Variants in SYT1 observed in about 807,000 individuals in gnomAD.
SYT1 encodes the protein synaptotagmin 1.
In SYT1, 8 loss-of-function variants were observed where a neutral mutation model predicts 44.8. The ratio of observed to expected loss-of-function variants is 0.18; its 90% CI spans 0.10 to 0.32. The LOEUF (loss-of-function observed/expected upper bound fraction) is 0.32. Among genes scored for constraint, SYT1 ranks in the 10% least tolerant of loss-of-function variants. The pLI is 1.00. For missense variants in SYT1, 286 were observed against 509.3 expected (o/e 0.56, Z 4.22); for synonymous variants, 154 against 188.8 (o/e 0.82, Z 1.51).
intron 1 of SYT1, among the ~76,000 whole-genome samples, chr12:78,930,504 T>C (rs1877573403): frequency 6.6e-6 from 1 of 150,382 alleles, no homozygotes; most frequent in African/African-American, 2.4e-5. Flanking sequence ...ATAGATGGAG[T>C]TAATGACTCA....
chr12:79,233,246 T>C (rs1196447573), intron 4 of SYT1, among the ~76,000 whole-genome samples: 1 of 152,210 alleles, frequency 6.6e-6, no homozygotes, highest in Non-Finnish European at 1.5e-5. Context: ...ATCTTTTTGT[T>C]TTAAAAATAA....
At position 79,450,128 on chromosome 12, in the gene SYT1, G is replaced by A. The variant is rs1870969879; in HGVS notation, c.*1004G>A. On this transcript the variant is annotated 3_prime_UTR_variant, in exon 11 of 11. Coordinates refer to ENST00000261205, the MANE Select transcript of SYT1 (RefSeq NM_005639.3). ...TTCACACCTACAATAATTCCAAAAG[G>A]TTTGCACATTAGAGTTTGTAACAAA... 6.6e-6 allele frequency: 1 copy of A among 152,344 alleles called. No individual in the cohort carries two copies. The highest frequency in any genetic ancestry group is 2.1e-4 in the South Asian group (1 of 4,820). 9.4% of individuals were successfully genotyped at this position (152,344 alleles called of 1,614,324 possible). A position where few individuals can be genotyped will look rare whatever the true frequency, so the allele number is the denominator to read the frequency against.
At chr12:79,270,341 A>T (rs868706563) in intron 4 of SYT1, among the ~76,000 whole-genome samples, 1 of 152,258 alleles carries the variant, frequency 6.6e-6, no homozygotes, top group Admixed American at 6.5e-5. Flanking sequence ...TAATGCACAC[A>T]TTAGTGCAGT....
intron 3 of SYT1, among the ~76,000 whole-genome samples, chr12:79,206,184 A>G (rs1432527885): frequency 1.3e-5 from 2 of 152,254 alleles, no homozygotes; most frequent in Non-Finnish European, 2.9e-5. Context: ...ATGAATTTCT[A>G]AAATTTCTAA....
At chr12:78,928,364 T>C (rs895865747) in intron 1 of SYT1, among the ~76,000 whole-genome samples, 1 of 152,192 alleles carries the variant, frequency 6.6e-6, no homozygotes, top group Non-Finnish European at 1.5e-5. Flanking sequence ...ACTTTTATAG[T>C]GAAGTATGAC....
intron 4 of SYT1, among the ~76,000 whole-genome samples, chr12:79,261,151 G>A (rs1452113201): frequency 1.3e-5 from 2 of 152,150 alleles, no homozygotes; most frequent in African/African-American, 4.8e-5. Context: ...TTTAGTTAGT[G>A]TACTTTAGAG....
At chr12:79,444,484 G>T (rs936237730) in intron 10 of SYT1, among the ~76,000 whole-genome samples, 6 of 152,118 alleles carry the variant, frequency 3.9e-5, no homozygotes, top group Non-Finnish European at 8.8e-5. Context: ...CTCAAAAAGT[G>T]CATCTATAAA....
intron 1 of SYT1, among the ~76,000 whole-genome samples, chr12:78,915,237 C>T (rs1290864586): frequency 6.6e-6 from 1 of 151,976 alleles, no homozygotes; most frequent in Non-Finnish European, 1.5e-5. Context: ...GCACTGAACC[C>T]CCTGCTACAG....
At chr12:79,291,721 A>G (rs1879590597) in intron 5 of SYT1, 1 of 507,824 alleles carries the variant, frequency 2.0e-6, no homozygotes, top group Admixed American at 2.3e-5. Flanking sequence ...CAAATACAAC[A>G]CCAAGTTGAC....
intron 3 of SYT1, among the ~76,000 whole-genome samples, chr12:79,180,296 C>T (rs1386368810): frequency 6.6e-6 from 1 of 152,008 alleles, no homozygotes; most frequent in Non-Finnish European, 1.5e-5. Flanking sequence ...ACACACTATC[C>T]TCACTTCCTG....
intron 4 of SYT1, among the ~76,000 whole-genome samples, chr12:79,275,459 G>T (rs1195924954): frequency 6.6e-6 from 1 of 152,070 alleles, no homozygotes; most frequent in Non-Finnish European, 1.5e-5. Context: ...CTTGCAAGAG[G>T]GGTGGAGTTC....
At chr12:79,330,149 G>A (rs1881791349) in intron 8 of SYT1, among the ~76,000 whole-genome samples, 1 of 152,158 alleles carries the variant, frequency 6.6e-6, no homozygotes, top group Non-Finnish European at 1.5e-5. Flanking sequence ...GCTCCTCTGA[G>A]AAACCCTTTC....
intron 2 of SYT1, among the ~76,000 whole-genome samples, chr12:79,046,125 T>G (rs1231388501): frequency 1.3e-5 from 2 of 152,172 alleles, no homozygotes; most frequent in East Asian, 3.9e-4. Flanking sequence ...CAAATGGATT[T>G]TACTAAGAAA....
intron 1 of SYT1, among the ~76,000 whole-genome samples, chr12:78,892,902 A>T (rs1875134538): frequency 1.3e-5 from 2 of 151,878 alleles, no homozygotes; most frequent in African/African-American, 4.8e-5. Flanking sequence ...AGAACTTAAG[A>T]GAAACATAAG....
At chr12:79,404,334 G>T (rs575332663) in intron 9 of SYT1, among the ~76,000 whole-genome samples, 2 of 152,114 alleles carry the variant, frequency 1.3e-5, no homozygotes, top group South Asian at 4.1e-4. Context: ...CTACTGAGTG[G>T]CCACTTTTGA....
chr12:79,034,302 G>A (rs189184428), intron 2 of SYT1, among the ~76,000 whole-genome samples: 46 of 151,510 alleles, frequency 3.0e-4, no homozygotes, highest in African/African-American at 1.1e-3. Context: ...TTTCCTTTGG[G>A]TAAATACTGC....
At position 78,959,719 on chromosome 12, in the gene SYT1, T is replaced by G. The variant is rs190095351; in HGVS notation, c.-216-18080T>G. On this transcript the variant is annotated intron_variant, in intron 1 of 10. Transcript: ENST00000261205. ...TGCCCATCAGAGAAGGCTGCTGAGT[T>G]CTTCTGTGTCTGAAATTAATAAAAA... 2.0e-3 allele frequency among the ~76,000 whole-genome samples: 312 copies of G among 152,288 alleles called. 1 individual carries two copies. Among genetic ancestry groups the G allele is most frequent in the Non-Finnish European group, 2.7e-3 (187 of 68,014 alleles).
intron 4 of SYT1, among the ~76,000 whole-genome samples, chr12:79,241,215 T>G (rs1174021820): frequency 2.0e-5 from 3 of 151,476 alleles, no homozygotes; most frequent in African/African-American, 7.3e-5. Context: ...ATTCTGAGAT[T>G]CTAGAAAAAA....
chr12:79,329,333 T>A (rs1881752610), intron 8 of SYT1, among the ~76,000 whole-genome samples: 1 of 152,172 alleles, frequency 6.6e-6, no homozygotes, highest in Non-Finnish European at 1.5e-5. Flanking sequence ...AGAGCTGACT[T>A]AGGGGAATGT....
Sources: allele counts gnomAD v4.1 joint callset (sites outside exome capture counted in the v4.1 genomes callset), GRCh38; gene constraint gnomAD v4.1.1; transcripts MANE v1.5; gene names NCBI Gene and HGNC (gene_info 2026-07-23, HGNC 2026-07-21).